The following NBAS variants were observed in gnomAD, a reference collection of about 807,000 sequenced individuals.
NBAS encodes NBAS subunit of NRZ tethering complex.
Under a neutral mutation model 302.5 loss-of-function variants are expected in NBAS, and 219 were observed. The observed-to-expected ratio is 0.72, with a 90% CI of 0.65 to 0.81. The LOEUF is 0.81. Ranked by LOEUF, NBAS falls within the 30% of genes least tolerant of loss-of-function variation. The pLI is 0.00. For missense variants in NBAS, 2,932 were observed against 2,841.6 expected, an observed-to-expected ratio of 1.03 and a Z score of -0.72; for synonymous variants, 1,118 against 1,021.6, an observed-to-expected ratio of 1.09 and a Z score of -1.80.
At chr2:15,055,114 C>T in the NBAS span, among the ~76,000 whole-genome samples, 3 of 152,082 alleles carry the variant, frequency 2.0e-5, no homozygotes, top group African/African-American at 4.8e-5. Flanking sequence ...GGACTGGATA[C>T]ATTCACTCGA....
At position 15,276,905 on chromosome 2, in the gene NBAS, T is replaced by C; in HGVS notation, c.5335A>G (p.Ile1779Val). Residue 1779 changes from isoleucine to valine, a missense_variant, in exon 43 of 52, where the codon ATT becomes GTT. By Grantham distance (29) the Ile-to-Val change is conservative. Coordinates refer to ENST00000281513, the MANE Select transcript of NBAS (RefSeq NM_015909.4). The part of the protein sequence containing the change: ...CGCADLGNCA[I>V]KPETHIRLLK... ...AGTCGAATGTGGGTTTCTGGTTTAA[T>C]GGCACAGTTCCCCAAATCTGCACAG... The C allele has an allele frequency of 1.9e-6, 3 of 1,614,088 alleles. No homozygotes were observed.
At chr2:15,482,078 G>A (rs774881282) in intron 12 of NBAS, among the ~76,000 whole-genome samples, 1 of 152,090 alleles carries the variant, frequency 6.6e-6, no homozygotes, top group Non-Finnish European at 1.5e-5. Flanking sequence ...ATTTTTACAA[G>A]GCTGTCCATT....
the NBAS span, among the ~76,000 whole-genome samples, chr2:14,825,863 C>A: frequency 3.3e-5 from 5 of 152,062 alleles, no homozygotes; most frequent in Non-Finnish European, 7.3e-5. Flanking sequence ...CAGGTAGAAA[C>A]GTTACATGAA....
Position 15,475,893 on chromosome 2 carries a change from A to T in NBAS, c.1148-13T>A, listed in dbSNP as rs1223498495. 2 of 1,599,460 alleles carry T rather than the reference A, an allele frequency of 1.3e-6. No homozygotes were observed. The highest frequency in any genetic ancestry group is 4.5e-5 in the East Asian group (2 of 44,768). ...AAGGACTCTTTATCTAAGAAGCGAA[A>T]AACAAATCAATACAAATGCATCTGC... is the stretch of plus-strand genomic sequence containing the variant. On this transcript the variant is annotated splice_polypyrimidine_tract_variant and intron_variant, in intron 13 of 51. Transcript: ENST00000281513.
intron 44 of NBAS, among the ~76,000 whole-genome samples, chr2:15,260,664 C>T (rs1276884769): frequency 6.6e-6 from 1 of 152,158 alleles, no homozygotes; most frequent in Non-Finnish European, 1.5e-5. Flanking sequence ...GACTGAAAAA[C>T]ACTCCTATGC....
chr2:15,186,637 C>T (rs1665099471), intron 50 of NBAS, 105 bp downstream of exon 50: 4 of 1,536,574 alleles, frequency 2.6e-6, no homozygotes, highest in Non-Finnish European at 3.6e-6. Context: ...CCAGTAATTA[C>T]TTAAGCTAAA....
chr2:15,289,160 T>C (rs895838305), intron 41 of NBAS, among the ~76,000 whole-genome samples: 2 of 152,214 alleles, frequency 1.3e-5, no homozygotes, highest in Admixed American at 6.5e-5. Flanking sequence ...CATTGTAGCC[T>C]TGACCTCCCA....
At chr2:14,796,137 T>C in the NBAS span, among the ~76,000 whole-genome samples, 1 of 152,180 alleles carries the variant, frequency 6.6e-6, no homozygotes, top group African/African-American at 2.4e-5. Context: ...TATGGAAAAT[T>C]TGTTGATGAG....
At chr2:15,042,742 A>G in the NBAS span, among the ~76,000 whole-genome samples, 4 of 152,230 alleles carry the variant, frequency 2.6e-5, no homozygotes, top group Admixed American at 2.6e-4. Context: ...CTGCCTGCCT[A>G]ACAGGACTCA....
At chr2:14,791,723 G>A in the NBAS span, among the ~76,000 whole-genome samples, 1 of 152,032 alleles carries the variant, frequency 6.6e-6, no homozygotes, top group Non-Finnish European at 1.5e-5. Context: ...AGAATCGCTT[G>A]AATCCAGGAG....
chr2:14,804,561 T>G, the NBAS span, among the ~76,000 whole-genome samples: 1,628 of 152,340 alleles, frequency 0.011, 30 homozygotes, highest in African/African-American at 0.036. Context: ...CAGAAACTTA[T>G]GGAAGCCTAA....
At chr2:15,314,321 G>A (rs958666332) in intron 38 of NBAS, among the ~76,000 whole-genome samples, 5 of 152,062 alleles carry the variant, frequency 3.3e-5, no homozygotes, top group East Asian at 1.9e-4. Context: ...AGATCACACC[G>A]CTGCACTCCA....
At chr2:15,407,974 T>C (rs961409603) in intron 25 of NBAS, among the ~76,000 whole-genome samples, 1 of 152,172 alleles carries the variant, frequency 6.6e-6, no homozygotes, top group African/African-American at 2.4e-5. Flanking sequence ...CCTTTCTCTA[T>C]CTTCAAAGAC....
intron 9 of NBAS, among the ~76,000 whole-genome samples, chr2:15,529,317 T>C (rs1019899822): frequency 6.6e-6 from 1 of 151,948 alleles, no homozygotes; most frequent in African/African-American, 2.4e-5. Flanking sequence ...CTGAGCAACA[T>C]GGTGAAACCC....
chr2:15,446,157 TA>T (rs1219474260), intron 21 of NBAS, among the ~76,000 whole-genome samples: 1 of 151,410 alleles, frequency 6.6e-6, no homozygotes, highest in East Asian at 1.9e-4. Flanking sequence ...ATAATGACCA[TA>T]AATTTCCTAA....
chr2:15,322,011 C>A (rs1021045005), intron 38 of NBAS, among the ~76,000 whole-genome samples: 4 of 152,076 alleles, frequency 2.6e-5, no homozygotes, highest in Non-Finnish European at 5.9e-5. Flanking sequence ...CAATGACAGA[C>A]CAGATTAAGA....
chr2:15,047,554 A>AAAGGCTGGGCCCGTGCAAGTG, the NBAS span, among the ~76,000 whole-genome samples: 3 of 149,174 alleles, frequency 2.0e-5, no homozygotes, highest in African/African-American at 5.0e-5. Context: ...CCATGCAGGT[A>AAAGGCTGGGCCCGTGCAAGTG]AAGGCTGGGC....
intron 11 of NBAS, among the ~76,000 whole-genome samples, chr2:15,501,067 C>T (rs932023355): frequency 6.6e-5 from 10 of 152,206 alleles, no homozygotes; most frequent in East Asian, 3.9e-4. Context: ...TTCGGGAGGC[C>T]GAGGCCAGCA....
At chr2:15,307,844 A>C (rs531919567) in intron 40 of NBAS, among the ~76,000 whole-genome samples, 4 of 152,146 alleles carry the variant, frequency 2.6e-5, no homozygotes, top group Non-Finnish European at 5.9e-5. Flanking sequence ...TTGCTCAAAG[A>C]ATTATGTTGC....
Sources: allele counts gnomAD v4.1 joint callset (sites outside exome capture counted in the v4.1 genomes callset), GRCh38; gene constraint gnomAD v4.1.1; transcripts MANE v1.5; gene names NCBI Gene and HGNC (gene_info 2026-07-23, HGNC 2026-07-21).